ASAP1: variants seen among roughly 807,000 people sequenced by gnomAD.
The protein encoded by ASAP1 is ArfGAP with SH3 domain, ankyrin repeat and PH domain 1, also known as arf-GAP with SH3 domain, ANK repeat and PH domain-containing protein 1.
Under a neutral mutation model 145.2 loss-of-function variants are expected in ASAP1, and 43 were observed. The ratio of observed to expected loss-of-function variants is 0.30; its 90% CI spans 0.23 to 0.38. ASAP1 has a LOEUF of 0.38. Ranked by LOEUF, ASAP1 falls within the 10% of genes least tolerant of loss-of-function variation. The pLI, the probability that ASAP1 is intolerant of heterozygous loss-of-function variation, is 1.00. For missense variants in ASAP1, 1,018 were observed against 1,355.3 expected, an observed-to-expected ratio of 0.75 and a Z score of 3.91; for synonymous variants, 546 against 515.5, an observed-to-expected ratio of 1.06 and a Z score of -0.80.
intron 3 of ASAP1, among the ~76,000 whole-genome samples, chr8:130,310,420 C>T (rs1823269502): frequency 6.6e-6 from 1 of 152,076 alleles, no homozygotes; most frequent in Non-Finnish European, 1.5e-5. Flanking sequence ...CCCCAGGAGT[C>T]ATCAAGCAAA....
At chr8:130,425,940 C>T (rs1587025522) in intron 1 of ASAP1, among the ~76,000 whole-genome samples, 3 of 152,238 alleles carry the variant, frequency 2.0e-5, no homozygotes, top group East Asian at 3.9e-4. Flanking sequence ...AGAGTTCAGC[C>T]GTCCCCACCA....
At chr8:130,057,909 T>A (rs1161530601) in intron 29 of ASAP1, 45 bp downstream of exon 29, 1 of 1,604,362 alleles carries the variant, frequency 6.2e-7, no homozygotes, top group Non-Finnish European at 8.5e-7. Context: ...TGCCCAGGCA[T>A]GCTGTATGAA....
At chr8:130,137,226 A>G (rs1011948925) in intron 13 of ASAP1, among the ~76,000 whole-genome samples, 188 bp from the exon 14 acceptor site, 3 of 152,262 alleles carry the variant, frequency 2.0e-5, no homozygotes, top group African/African-American at 7.2e-5. Flanking sequence ...ACAGATCTGT[A>G]GGTTTCTGCC....
intron 23 of ASAP1, among the ~76,000 whole-genome samples, chr8:130,114,325 T>C (rs993798421): frequency 6.6e-6 from 1 of 152,200 alleles, no homozygotes; most frequent in Non-Finnish European, 1.5e-5. Flanking sequence ...CATGCTACTA[T>C]ACTAAACATT....
intron 5 of ASAP1, among the ~76,000 whole-genome samples, chr8:130,197,555 T>C (rs1009699208): frequency 2.0e-5 from 3 of 152,226 alleles, no homozygotes; most frequent in Admixed American, 6.5e-5. Context: ...CTGGTAACCC[T>C]ACAAGGTATT....
chr8:130,131,997 T>C (rs972705602), intron 15 of ASAP1, among the ~76,000 whole-genome samples: 1 of 152,236 alleles, frequency 6.6e-6, no homozygotes, highest in East Asian at 1.9e-4. Context: ...CAGAAAGTGG[T>C]TGTGTTCCCT....
At chr8:130,220,078 C>A (rs1817199962) in intron 4 of ASAP1, among the ~76,000 whole-genome samples, 2 of 152,164 alleles carry the variant, frequency 1.3e-5, no homozygotes, top group Admixed American at 1.3e-4. Flanking sequence ...GTGTAAGCCA[C>A]CACGCCTGGC....
intron 3 of ASAP1, among the ~76,000 whole-genome samples, chr8:130,321,826 T>C (rs1824025893): frequency 6.6e-6 from 1 of 152,222 alleles, no homozygotes; most frequent in South Asian, 2.1e-4. Context: ...AGAGGACTAC[T>C]TCCCCTAGTA....
At chr8:130,368,195 C>T (rs1827050155) in intron 2 of ASAP1, among the ~76,000 whole-genome samples, 1 of 152,130 alleles carries the variant, frequency 6.6e-6, no homozygotes, top group East Asian at 1.9e-4. Flanking sequence ...AGGCATTATA[C>T]AAACAAATTT....
At chr8:130,434,915 C>T (rs1830257700) in intron 1 of ASAP1, among the ~76,000 whole-genome samples, 1 of 152,074 alleles carries the variant, frequency 6.6e-6, no homozygotes, top group South Asian at 2.1e-4. Context: ...GCTTTGAAGA[C>T]CTGAAATGCT....
chr8:130,210,974 ACTCTTAT>A (rs1816543730), intron 5 of ASAP1, among the ~76,000 whole-genome samples: 2 of 152,112 alleles, frequency 1.3e-5, no homozygotes, highest in Non-Finnish European at 2.9e-5. Flanking sequence ...AGAAACAGTC[ACTCTTAT>A]TTATTTTTAG....
At position 130,060,900 on chromosome 8, in the gene ASAP1, A is replaced by G. The variant is rs769089064; in HGVS notation, c.2871T>C (p.Pro957=). 1.2e-6 allele frequency: 2 copies of G among 1,612,564 alleles called. No individual in the cohort carries two copies. Among genetic ancestry groups the G allele is most frequent in the African/African-American group, 1.3e-5 (1 of 74,770 alleles). Residue 957 remains proline (P), a synonymous_variant, in exon 28 of 30, where the codon CCT becomes CCC. Transcript: ENST00000518721. ...GTTTGGGGGGCAGTTCTCCTGGCTT[A>G]GGCGGCAAATCTCCAATTTGGGGCT... ...APKPQIGDLP[P]KPGELPPKPQ...
At chr8:130,230,956 A>G (rs1384891961) in intron 4 of ASAP1, among the ~76,000 whole-genome samples, 5 of 152,182 alleles carry the variant, frequency 3.3e-5, no homozygotes, top group African/African-American at 4.8e-5. Flanking sequence ...TACCAACTCT[A>G]GTTACAACTG....
chr8:130,138,074 T>C (rs1474687091), intron 13 of ASAP1, among the ~76,000 whole-genome samples: 1 of 152,136 alleles, frequency 6.6e-6, no homozygotes, highest in African/African-American at 2.4e-5. Flanking sequence ...GCTGAGGAAT[T>C]AAAATTTTCA....
At chr8:130,060,075 CAAAAAAAAAAAAAAA>C (rs55875346) in intron 28 of ASAP1, among the ~76,000 whole-genome samples, 105 of 95,884 alleles carry the variant, frequency 1.1e-3, no homozygotes, top group Middle Eastern at 5.6e-3. Flanking sequence ...GAGCCCTTCT[CAAAAAAAAAAAAAAA>C]AAAAAAAAAA....
chr8:130,064,543 G>T (rs535876586), intron 27 of ASAP1, among the ~76,000 whole-genome samples: 1 of 152,180 alleles, frequency 6.6e-6, no homozygotes, highest in South Asian at 2.1e-4. Context: ...TCCTCTAACC[G>T]TGCTTTTCCC....
intron 3 of ASAP1, among the ~76,000 whole-genome samples, chr8:130,276,407 CT>C (rs1820883189): frequency 6.6e-6 from 1 of 152,114 alleles, no homozygotes; most frequent in South Asian, 2.1e-4. Flanking sequence ...GACTGTAACT[CT>C]TAACTATGAA....
intron 3 of ASAP1, 128 bp from the exon 4 acceptor site, chr8:130,237,122 T>G: frequency 1.5e-6 from 1 of 645,546 alleles, no homozygotes; most frequent in Non-Finnish European, 2.5e-6. Context: ...ACATATTCAT[T>G]AACAATGAAT....
At chr8:130,091,945 C>T in intron 25 of ASAP1, 28 bp downstream of exon 25, 2 of 1,503,680 alleles carry the variant, frequency 1.3e-6, no homozygotes, top group South Asian at 2.7e-5. Context: ...GCCCCAGCAG[C>T]TTTGGCCCTG....
Sources: gnomAD v4.1 joint callset for allele counts (sites outside exome capture counted in the v4.1 genomes callset) on GRCh38, gnomAD v4.1.1 for gene constraint, MANE v1.5 for transcripts, NCBI Gene and HGNC (gene_info 2026-07-23, HGNC 2026-07-21) for gene names.